Variants in NUBPL observed in about 807,000 individuals in gnomAD.
The protein encoded by NUBPL is iron-sulfur cluster transfer protein NUBPL.
NUBPL carries 31 observed loss-of-function variants against 45.7 expected under a neutral mutation model. The observed-to-expected ratio is 0.68, with a 90% CI of 0.51 to 0.92. The LOEUF (loss-of-function observed/expected upper bound fraction) is 0.92, where lower values mean the gene tolerates loss of function less well. NUBPL is among the 40% of genes least tolerant of loss of function. NUBPL has a pLI of 0.00. For missense variants in NUBPL, 401 were observed against 398.7 expected (o/e 1.01, Z -0.05); for synonymous variants, 144 against 140.9 (o/e 1.02, Z -0.15).
chr14:31,801,979 G>A (rs1010836631), intron 7 of NUBPL, among the ~76,000 whole-genome samples: 2 of 152,186 alleles, frequency 1.3e-5, no homozygotes, highest in African/African-American at 2.4e-5. Flanking sequence ...TAACAGTTTG[G>A]TGTGATACCA....
chr14:31,750,276 G>A (rs913208344), intron 6 of NUBPL, among the ~76,000 whole-genome samples: 12 of 150,118 alleles, frequency 8.0e-5, no homozygotes, highest in Middle Eastern at 3.4e-3. Context: ...CCGGGTTCAC[G>A]CCATTCTCCT....
chr14:31,819,328 A>C (rs2039976955), intron 7 of NUBPL, among the ~76,000 whole-genome samples: 1 of 152,270 alleles, frequency 6.6e-6, no homozygotes, highest in Non-Finnish European at 1.5e-5. Flanking sequence ...CAGTGTGAAC[A>C]TTAAAAACAG....
intron 4 of NUBPL, among the ~76,000 whole-genome samples, chr14:31,660,500 T>G (rs535332932): frequency 7.2e-4 from 109 of 152,344 alleles, no homozygotes; most frequent in Admixed American, 9.1e-4. Context: ...TTCTGAACAT[T>G]CTTGTATCTT....
chr14:31,711,849 T>C (rs58280106), intron 6 of NUBPL, among the ~76,000 whole-genome samples: 22,198 of 151,740 alleles, frequency 0.15, 4,729 homozygotes, highest in African/African-American at 0.47. Context: ...TCGCGGTGGG[T>C]GTTACAGTTC....
At chr14:31,598,169 A>G (rs1268297440) in intron 3 of NUBPL, among the ~76,000 whole-genome samples, 3 of 152,156 alleles carry the variant, frequency 2.0e-5, no homozygotes, top group Non-Finnish European at 4.4e-5. Flanking sequence ...ACAGATATAT[A>G]TATGTATATT....
intron 6 of NUBPL, among the ~76,000 whole-genome samples, chr14:31,742,838 C>T (rs564656374): frequency 2.7e-4 from 41 of 151,568 alleles, no homozygotes; most frequent in African/African-American, 9.7e-4. Context: ...AACTCCTGAC[C>T]TCAAGTAATA....
intron 4 of NUBPL, among the ~76,000 whole-genome samples, chr14:31,671,256 T>C (rs1273389261): frequency 6.6e-6 from 1 of 152,196 alleles, no homozygotes; most frequent in African/African-American, 2.4e-5. Flanking sequence ...ATATACCAAA[T>C]TTTCTTTATA....
At chr14:31,638,966 T>G (rs944682372) in intron 4 of NUBPL, among the ~76,000 whole-genome samples, 1 of 152,202 alleles carries the variant, frequency 6.6e-6, no homozygotes, top group African/African-American at 2.4e-5. Context: ...CTCTATTGGT[T>G]ATTCTAGTTA....
intron 7 of NUBPL, among the ~76,000 whole-genome samples, chr14:31,813,438 T>TAC (rs34598831): frequency 2.2e-4 from 32 of 148,302 alleles, no homozygotes; most frequent in African/African-American, 6.5e-4. Context: ...TTTTTTGCTA[T>TAC]ACACACACAC....
At chr14:31,857,371 G>C (rs575015622) in intron 10 of NUBPL, among the ~76,000 whole-genome samples, 1 of 152,158 alleles carries the variant, frequency 6.6e-6, no homozygotes, top group African/African-American at 2.4e-5. Flanking sequence ...GATGGGAGAG[G>C]CTGCCATGAA....
intron 6 of NUBPL, among the ~76,000 whole-genome samples, chr14:31,783,789 A>AT (rs1470202671): frequency 6.6e-6 from 1 of 152,216 alleles, no homozygotes; most frequent in Non-Finnish European, 1.5e-5. Context: ...AAGTGCTGGG[A>AT]TTACAGGCAT....
At chr14:31,729,520 T>A (rs1225644508) in intron 6 of NUBPL, among the ~76,000 whole-genome samples, 4 of 152,190 alleles carry the variant, frequency 2.6e-5, no homozygotes, top group African/African-American at 9.6e-5. Context: ...AAATTTTTAA[T>A]GTTTATTGGA....
Position 31,629,771 on chromosome 14 carries a change from A to T in NUBPL, c.382+30392A>T, listed in dbSNP as rs181226316. Among the ~76,000 whole-genome samples, 7 of 152,282 alleles carry T rather than the reference A, an allele frequency of 4.6e-5. No individual in the cohort carries two copies. The East Asian group carries it at 1.3e-3, about 29-fold the overall frequency. On this transcript the variant is annotated intron_variant, in intron 4 of 10. Transcript: ENST00000281081. ...TGATATATGCCGAGGTACAAAGAGA[A>T]CATGTCATACTTCTCAATTAATCTT... is the stretch of plus-strand genomic sequence containing the variant.
intron 6 of NUBPL, among the ~76,000 whole-genome samples, chr14:31,710,362 G>T (rs1215394141): frequency 6.6e-6 from 1 of 152,092 alleles, no homozygotes; most frequent in East Asian, 1.9e-4. Flanking sequence ...AACAACCCCT[G>T]CCCAAGAACC....
intron 3 of NUBPL, among the ~76,000 whole-genome samples, chr14:31,584,218 G>C (rs1023069827): frequency 6.6e-6 from 1 of 151,804 alleles, no homozygotes; most frequent in Admixed American, 6.6e-5. Context: ...TCTGCCTCCC[G>C]GGCTCAAGCA....
At chr14:31,734,216 G>C (rs140949491) in intron 6 of NUBPL, among the ~76,000 whole-genome samples, 39 of 152,168 alleles carry the variant, frequency 2.6e-4, no homozygotes, top group Admixed American at 5.2e-4. Context: ...CACATAAAAG[G>C]CTTCAGAATC....
chr14:31,670,440 A>G (rs1255484059), intron 4 of NUBPL, among the ~76,000 whole-genome samples: 2 of 151,942 alleles, frequency 1.3e-5, no homozygotes, highest in African/African-American at 4.8e-5. Flanking sequence ...TACTCTGTTG[A>G]TAGTTCCTTT....
intron 4 of NUBPL, among the ~76,000 whole-genome samples, chr14:31,616,708 C>T (rs9635156): frequency 0.41 from 61,567 of 151,948 alleles, 14,119 homozygotes; most frequent in East Asian, 0.59. Context: ...GCTTGCATGA[C>T]GCCTCCAGCT....
At chr14:31,843,576 C>T (rs186458489) in intron 8 of NUBPL, among the ~76,000 whole-genome samples, 51 of 152,310 alleles carry the variant, frequency 3.3e-4, no homozygotes, top group East Asian at 3.1e-3. Flanking sequence ...ATAACTCAGA[C>T]ACCTTAATAT....
Sources: allele counts gnomAD v4.1 joint callset (sites outside exome capture counted in the v4.1 genomes callset), GRCh38; gene constraint gnomAD v4.1.1; transcripts MANE v1.5; gene names NCBI Gene and HGNC (gene_info 2026-07-23, HGNC 2026-07-21).